The following MAPT variants were observed in gnomAD, a reference collection of about 807,000 sequenced individuals.
MAPT encodes the protein microtubule-associated protein tau.
Under a neutral mutation model 67.9 loss-of-function variants are expected in MAPT, and 34 were observed. That is an observed-to-expected ratio of 0.50 (90% CI 0.38 to 0.67). The LOEUF (loss-of-function observed/expected upper bound fraction) is 0.67. Among genes scored for constraint, MAPT ranks in the 30% least tolerant of loss-of-function variants. MAPT has a pLI of 0.00. For missense variants in MAPT, 881 were observed against 1,115.2 expected (o/e 0.79, Z 2.99); for synonymous variants, 456 against 464.5 (o/e 0.98, Z 0.23).
chr17:45,913,702 A>C (rs1328729920), intron 1 of MAPT, among the ~76,000 whole-genome samples: 1 of 152,318 alleles, frequency 6.6e-6, no homozygotes, highest in East Asian at 1.9e-4. Context: ...CCATCATTTC[A>C]TGTCCATCAC....
intron 1 of MAPT, among the ~76,000 whole-genome samples, chr17:45,939,701 C>G (rs139985266): frequency 2.6e-4 from 40 of 152,242 alleles, no homozygotes; most frequent in Non-Finnish European, 5.4e-4. Context: ...AGATCCATAA[C>G]AGATAATCAT....
chr17:45,999,801 A>G, intron 9 of MAPT: 1 of 765,532 alleles, frequency 1.3e-6, no homozygotes, highest in Non-Finnish European at 2.1e-6. Flanking sequence ...GAAGTGTGGA[A>G]AAGTGGCAGA....
chr17:45,925,759 A>G (rs1322581926), intron 1 of MAPT, among the ~76,000 whole-genome samples: 2 of 147,480 alleles, frequency 1.4e-5, no homozygotes, highest in Non-Finnish European at 3.1e-5. Flanking sequence ...TTTAGAATGC[A>G]CAGGAAAAAA....
chr17:45,917,537 C>T (rs559964318), intron 1 of MAPT, among the ~76,000 whole-genome samples: 2 of 152,184 alleles, frequency 1.3e-5, no homozygotes, highest in African/African-American at 2.4e-5. Context: ...CTGGAGGGGG[C>T]ATGGGCATTC....
intron 8 of MAPT, chr17:45,993,810 T>G: frequency 9.2e-7 from 1 of 1,089,796 alleles, no homozygotes; most frequent in Middle Eastern, 2.2e-4. Context: ...CTCGACCTTG[T>G]TTCAGAATGG....
intron 12 of MAPT, among the ~76,000 whole-genome samples, chr17:46,021,050 G>A (rs980427927): frequency 6.6e-6 from 1 of 152,190 alleles, no homozygotes; most frequent in African/African-American, 2.4e-5. Context: ...CACTGCCTCT[G>A]GTTCTGAACA....
chr17:46,011,327 C>T (rs1285318212), intron 10 of MAPT, among the ~76,000 whole-genome samples: 1 of 152,108 alleles, frequency 6.6e-6, no homozygotes, highest in African/African-American at 2.4e-5. Context: ...GTCCGGGAGG[C>T]GGAAGTTGCA....
rs769867514 is a variant in MAPT at position 45,984,019 on chromosome 17, C to G, written c.1351+89C>G. The G allele has an allele frequency of 2.1e-5, 23 of 1,121,240 alleles. 1 individual carries two copies. In the South Asian group the frequency reaches 3.1e-4, roughly 15 times the overall value. The allele number at this position is 1,121,240 out of a possible 1,614,324, so 69.5% of individuals were successfully genotyped here. On this transcript the variant is annotated intron_variant, in intron 5 of 12. Transcript: ENST00000262410. ...ACTGCCACTGAGCTTCCAGGCCTCC[C>G]GACTCCTGCTGCTTCTGACGTTCCT... is the stretch of plus-strand genomic sequence containing the variant.
rs767566992 is a variant in MAPT, at chr17:45,996,496, A to G, written c.1830A>G (p.Pro610=). ...CCCGCACCCCGTCCCTTCCAACCCC[A>G]CCCACCCGGGAGCCCAAGAAGGTGG... The part of the protein sequence containing the change: ...SRSRTPSLPT[P]PTREPKKVAV... The change falls in exon 9 of 13, where the codon CCA becomes CCG. Residue 610 remains proline, a synonymous_variant. Transcript: ENST00000262410. The surrounding 1 kb of genome is among the most constrained non-coding windows in gnomAD (Gnocchi z 4.5). 6.4e-7 allele frequency: 1 copy of G among 1,570,114 alleles called. No homozygotes were observed. Among genetic ancestry groups the G allele is most frequent in the South Asian group, 1.1e-5 (1 of 89,980 alleles).
chr17:46,014,396 T>G, intron 11 of MAPT, 72 bp downstream of exon 11: 1 of 1,020,246 alleles, frequency 9.8e-7, no homozygotes, highest in Non-Finnish European at 1.6e-6. Context: ...AGGCTGGAAC[T>G]GCTCCAGACT....
chr17:45,949,715 G>A (rs1020943335), intron 1 of MAPT, among the ~76,000 whole-genome samples: 15 of 152,094 alleles, frequency 9.9e-5, no homozygotes, highest in Admixed American at 3.3e-4. Flanking sequence ...AACTGGCAAG[G>A]GATGTTGACT....
At position 45,927,020 on chromosome 17, in the gene MAPT, T is replaced by C. The variant is rs186542791; in HGVS notation, c.-18+32334T>C. Among the ~76,000 whole-genome samples, 355 of 151,850 alleles carry C rather than the reference T, an allele frequency of 2.3e-3. 2 individuals carry two copies. Among genetic ancestry groups the C allele is most frequent in the African/African-American group, 8.1e-3 (334 of 41,352 alleles). On this transcript the variant is annotated intron_variant, in intron 1 of 12. Coordinates refer to ENST00000262410, the MANE Select transcript of MAPT (RefSeq NM_001377265.1). The stretch of plus-strand genomic sequence containing the variant: ...ATACACATATATATACACACACACA[T>C]ACATACATGTATTTTTATATAATTA...
In MAPT at chr17:46,000,719, C is replaced by T. The variant is rs76433477; in HGVS notation, c.1998+4055C>T. ...CACCTACCCTCAACCTCAACCACTG[C>T]GGCCTCCTGTGCACCCTGATCCAGT... On this transcript the variant is annotated intron_variant, in intron 9 of 12. Transcript: ENST00000262410. Among the ~76,000 whole-genome samples the T allele has an allele frequency of 6.9e-3, 1,056 of 152,274 alleles. 14 individuals are homozygous for T. The highest frequency in any genetic ancestry group is 0.021 in the African/African-American group (868 of 41,540).
At chr17:45,904,555 G>A (rs2064163322) in intron 1 of MAPT, among the ~76,000 whole-genome samples, 1 of 149,990 alleles carries the variant, frequency 6.7e-6, no homozygotes, top group Admixed American at 6.8e-5. Context: ...AGCTGGGCAT[G>A]ATGGCATGTG....
At chr17:45,932,774 G>A (rs561922154) in intron 1 of MAPT, among the ~76,000 whole-genome samples, 2 of 151,954 alleles carry the variant, frequency 1.3e-5, no homozygotes, top group Middle Eastern at 3.2e-3. Context: ...CACTGAGATC[G>A]CACCAATTGT....
intron 1 of MAPT, among the ~76,000 whole-genome samples, chr17:45,904,271 T>TAA (rs1176366952): frequency 4.3e-5 from 2 of 46,908 alleles, no homozygotes; most frequent in African/African-American, 1.3e-4. Flanking sequence ...ATTATATATA[T>TAA]TTTTATATAT....
Position 45,896,017 on chromosome 17 carries a change from T to G in MAPT, c.-18+1331T>G, listed in dbSNP as rs2063182919. On this transcript the variant is annotated intron_variant, in intron 1 of 12. Coordinates refer to ENST00000262410, the MANE Select transcript of MAPT (RefSeq NM_001377265.1). This position sits in a 1 kb window ranked among gnomAD's most constrained non-coding sequence, Gnocchi z 5.6. ...CGTGATCTGCGCTCCCAGCCCTGGT[T>G]TCTGGCTTTTATTCTGAGGGTGTTC... The G allele has an allele frequency of 6.6e-6, 1 of 152,328 alleles. No homozygotes were observed. Among genetic ancestry groups the G allele is most frequent in the Non-Finnish European group, 1.5e-5 (1 of 68,158 alleles). 9.4% of individuals were successfully genotyped at this position (152,328 alleles called of 1,614,324 possible).
Position 45,995,242 on chromosome 17 carries a change from G to A in MAPT, c.1733-1157G>A, listed in dbSNP as rs545434671. 3.0e-4 allele frequency among the ~76,000 whole-genome samples: 46 copies of A among 152,294 alleles called. 2 individuals are homozygous for A. In the South Asian group the frequency reaches 5.6e-3, roughly 19 times the overall value. On this transcript the variant is annotated intron_variant, in intron 8 of 12. Coordinates refer to ENST00000262410, the MANE Select transcript of MAPT (RefSeq NM_001377265.1). The surrounding 1 kb of genome is among the most constrained non-coding windows in gnomAD (Gnocchi z 4.3). ...GCTGCGGGAAGCTTCTGGACTTGCA[G>A]GAAAGCTAAGTTCTCAGACTGCAGG...
At chr17:45,962,190 C>G (rs1219813702) in intron 1 of MAPT, 131 bp from the exon 2 acceptor site, 2 of 732,476 alleles carry the variant, frequency 2.7e-6, no homozygotes, top group African/African-American at 1.8e-5. Context: ...GGGCGGCCAA[C>G]TGTTAGAGAG....
Sources: allele counts gnomAD v4.1 joint callset (sites outside exome capture counted in the v4.1 genomes callset), GRCh38; gene constraint gnomAD v4.1.1; non-coding constraint Gnocchi (gnomAD v3.1); transcripts MANE v1.5; gene names NCBI Gene and HGNC (gene_info 2026-07-23, HGNC 2026-07-21).